The following PCDHA8 variants were observed in gnomAD, a reference collection of about 807,000 sequenced individuals.
The protein encoded by PCDHA8 is protocadherin alpha 8.
A neutral mutation model predicts 61.8 loss-of-function variants in PCDHA8; 53 were observed. The ratio of observed to expected loss-of-function variants is 0.86; its 90% CI spans 0.69 to 1.08. The LOEUF (loss-of-function observed/expected upper bound fraction) is 1.08. PCDHA8 is among the 50% of genes least tolerant of loss of function. PCDHA8 has a pLI of 0.00. For missense variants in PCDHA8, 1,293 were observed against 1,245.0 expected (o/e 1.04, Z -0.58); for synonymous variants, 618 against 556.6 (o/e 1.11, Z -1.55).
chr5:140,918,632 C>A (rs1182828125), intron 1 of PCDHA8, among the ~76,000 whole-genome samples: 1 of 152,164 alleles, frequency 6.6e-6, no homozygotes, highest in Non-Finnish European at 1.5e-5. Flanking sequence ...TCCCCAAATT[C>A]ATAAATTGAA....
chr5:140,861,445 G>A (rs1196401790), intron 1 of PCDHA8: 1 of 494,332 alleles, frequency 2.0e-6, no homozygotes, highest in Admixed American at 2.1e-5. Context: ...AAAAGCCGCA[G>A]AAACCTTCTG....
chr5:140,848,521 C>T lies in PCDHA8; in HGVS notation c.2394+4806C>T, dbSNP rs2150411815. The T allele has an allele frequency of 1.3e-6, 2 of 1,592,868 alleles. 1 individual carries two copies. The highest frequency in any genetic ancestry group is 1.7e-6 in the Non-Finnish European group (2 of 1,164,010). On this transcript the variant is annotated intron_variant, in intron 1 of 3. Coordinates refer to ENST00000531613, the MANE Select transcript of PCDHA8 (RefSeq NM_018911.3). Reference sequence around the variant, plus strand: ...ATGTTATACTCAAGTCGAGGAGATCCAGAGGGTCAGCCTCTACTGCTCTCG... The same window carrying T: ...ATGTTATACTCAAGTCGAGGAGATCTAGAGGGTCAGCCTCTACTGCTCTCG...
intron 1 of PCDHA8, among the ~76,000 whole-genome samples, chr5:140,905,415 C>A (rs2071821709): frequency 6.6e-6 from 1 of 152,128 alleles, no homozygotes; most frequent in Non-Finnish European, 1.5e-5. Context: ...ATACCAGTAC[C>A]ATGCTGGTTT....
In PCDHA8 at chr5:140,850,201, G is replaced by A. The variant is rs202136378; in HGVS notation, c.2394+6486G>A. The A allele has an allele frequency of 1.6e-5, 25 of 1,593,494 alleles. 3 individuals carry two copies. Among genetic ancestry groups the A allele is most frequent in the Middle Eastern group, 2.1e-4 (1 of 4,666 alleles). On this transcript the variant is annotated intron_variant, in intron 1 of 3. Coordinates refer to ENST00000531613, the MANE Select transcript of PCDHA8 (RefSeq NM_018911.3). ...AATGCGCCGGCGCTGCTGACACCTC[G>A]GATGAGGGGCACTGACGGCGCAGTG...
At chr5:140,892,152 C>T (rs1364975733) in intron 1 of PCDHA8, among the ~76,000 whole-genome samples, 1 of 152,118 alleles carries the variant, frequency 6.6e-6, no homozygotes, top group African/African-American at 2.4e-5. Context: ...GCGTCTATTT[C>T]TGATATGTCC....
At chr5:140,926,564 A>T in intron 1 of PCDHA8, 1 of 243,746 alleles carries the variant, frequency 4.1e-6, no homozygotes, top group Non-Finnish European at 7.8e-6. Flanking sequence ...GCCCGCTGCT[A>T]CTGGAGACAG....
At chr5:140,857,758 C>T (rs1562528719) in intron 1 of PCDHA8, 2 of 1,597,374 alleles carry the variant, frequency 1.3e-6, no homozygotes, top group Admixed American at 1.7e-5. Flanking sequence ...CTCCCGCTGG[C>T]AGCGCGGGCG....
Position 140,841,839 on chromosome 5 carries a change from G to A in PCDHA8, c.518G>A (p.Ser173Asn). 1 of 1,613,898 alleles carries A rather than the reference G, an allele frequency of 6.2e-7. No homozygotes were observed. The highest frequency in any genetic ancestry group is 1.6e-4 in the Middle Eastern group (1 of 6,062). ...GANSVLTYRL[S>N]SHDYFMLDVN... ...AACTCCGTGTTAACCTACAGGCTTA[G>A]CTCTCATGATTACTTCATGCTAGAT... The change falls in exon 1 of 4, where the codon AGC becomes AAC. Residue 173 changes from serine (S) to asparagine (N), a missense_variant. Transcript: ENST00000531613.
rs2150473414 is a variant in PCDHA8 at position 140,850,210 on chromosome 5, G to A, written c.2394+6495G>A. 67 of 1,593,594 alleles carry A rather than the reference G, an allele frequency of 4.2e-5. No individual in the cohort carries two copies. In the East Asian group the frequency reaches 1.2e-3, roughly 28 times the overall value. ...GCGCTGCTGACACCTCGGATGAGGG[G>A]CACTGACGGCGCAGTGAGCGAGATG... is the stretch of plus-strand genomic sequence containing the variant. On this transcript the variant is annotated intron_variant, in intron 1 of 3. Coordinates refer to ENST00000531613, the MANE Select transcript of PCDHA8 (RefSeq NM_018911.3).
chr5:140,942,410 A>T (rs1047414912), intron 1 of PCDHA8, among the ~76,000 whole-genome samples: 3 of 142,238 alleles, frequency 2.1e-5, no homozygotes, highest in Non-Finnish European at 3.1e-5. Context: ...GACTCTGTTT[A>T]AAAAAAAAAA....
chr5:141,009,732 A>G lies in PCDHA8; in HGVS notation c.2648A>G (p.Glu883Gly). ...AACCCCAAACAATCCGGTCCCGGTG[A>G]GTTGCCCGACAAATTCATTATCCCA... is the stretch of plus-strand genomic sequence containing the variant. Reference protein sequence around the residue: ...PGNPKQSGPGELPDKFIIPGS... With the variant: ...PGNPKQSGPGGLPDKFIIPGS... Residue 883 changes from glutamate to glycine, a missense_variant, in exon 4 of 4, where the codon GAG becomes GGG. Transcript: ENST00000531613. The G allele has an allele frequency of 6.2e-7, 1 of 1,614,168 alleles. No individual in the cohort carries two copies. Among genetic ancestry groups the G allele is most frequent in the Non-Finnish European group, 8.5e-7 (1 of 1,180,032 alleles).
chr5:140,883,453 C>A lies in PCDHA8; in HGVS notation c.2394+39738C>A, dbSNP rs138388360. The stretch of plus-strand genomic sequence containing the variant: ...GCACCTTGACGCCGCATGTCCCCTT[C>A]AAGCTGGTGTCCACCTACAAGAACT... On this transcript the variant is annotated intron_variant, in intron 1 of 3. Transcript: ENST00000531613. 3.2e-5 allele frequency: 51 copies of A among 1,614,168 alleles called. No individual in the cohort carries two copies. In the East Asian group the frequency reaches 1.1e-3, roughly 35 times the overall value.
chr5:140,867,399 A>G (rs1001723593), intron 1 of PCDHA8: 2 of 152,166 alleles, frequency 1.3e-5, no homozygotes, highest in Non-Finnish European at 2.9e-5. Context: ...AAAAGTTGAT[A>G]TGTCTCCTTT....
In PCDHA8 at chr5:141,011,713, T is replaced by G. The variant is rs1198989870; in HGVS notation, c.*1776T>G. 6.5e-6 allele frequency: 1 copy of G among 153,774 alleles called. No individual in the cohort carries two copies. The highest frequency in any genetic ancestry group is 1.5e-5 in the Non-Finnish European group (1 of 68,048). 9.5% of individuals were successfully genotyped at this position (153,774 alleles called of 1,614,324 possible). On this transcript the variant is annotated 3_prime_UTR_variant, in exon 4 of 4. Coordinates refer to ENST00000531613, the MANE Select transcript of PCDHA8 (RefSeq NM_018911.3). Reference sequence around the variant, plus strand: ...ATTTTGGAATGAATACTGACAATATTCCATGAGGGTGTGCAAGCACAAATT... The same window carrying G: ...ATTTTGGAATGAATACTGACAATATGCCATGAGGGTGTGCAAGCACAAATT...
chr5:140,853,979 T>A, intron 1 of PCDHA8: 2 of 564,826 alleles, frequency 3.5e-6, no homozygotes, highest in Non-Finnish European at 4.6e-6. Flanking sequence ...TTGAGACCAA[T>A]GTAGTGAGAC....
Position 140,848,364 on chromosome 5 carries a change from G to A in PCDHA8, c.2394+4649G>A, listed in dbSNP as rs2150409515. On this transcript the variant is annotated intron_variant, in intron 1 of 3. Transcript: ENST00000531613. ...AATACAGCCCTTTTCCCATGGGAAA[G>A]AGGCTCAATTCTTTTTCACTCTCTC... The A allele has an allele frequency of 1.5e-5, 16 of 1,077,594 alleles. 3 individuals carry two copies. In the Admixed American group the frequency reaches 2.3e-4, roughly 16 times the overall value. 66.8% of individuals were successfully genotyped at this position (1,077,594 alleles called of 1,614,324 possible). A position where few individuals can be genotyped will look rare whatever the true frequency, so the allele number is the denominator to read the frequency against.
Position 140,882,403 on chromosome 5 carries a change from G to A in PCDHA8, c.2394+38688G>A, listed in dbSNP as rs536389638. ...AGGAAGCAAAACACGGCACCTTCGTGGGCCGCATCGCTCAGGACCTGGGGC... is the reference window on the plus strand; with the variant it reads ...AGGAAGCAAAACACGGCACCTTCGTAGGCCGCATCGCTCAGGACCTGGGGC... On this transcript the variant is annotated intron_variant, in intron 1 of 3. Transcript: ENST00000531613. 1.9e-5 allele frequency: 31 copies of A among 1,614,168 alleles called. No homozygotes were observed. In the South Asian group the frequency reaches 3.3e-4, roughly 17 times the overall value.
intron 1 of PCDHA8, among the ~76,000 whole-genome samples, chr5:140,948,500 T>C (rs1482428616): frequency 6.6e-6 from 1 of 151,662 alleles, no homozygotes; most frequent in Non-Finnish European, 1.5e-5. Context: ...TCATAGACTT[T>C]CTATTAAAAA....
intron 1 of PCDHA8, among the ~76,000 whole-genome samples, chr5:140,922,038 T>A (rs1048446579): frequency 6.6e-6 from 1 of 152,088 alleles, no homozygotes. Context: ...AATGTAATTT[T>A]CCCACATACC....
Sources: allele counts gnomAD v4.1 joint callset (sites outside exome capture counted in the v4.1 genomes callset), GRCh38; gene constraint gnomAD v4.1.1; transcripts MANE v1.5; gene names NCBI Gene and HGNC (gene_info 2026-07-23, HGNC 2026-07-21).